Variants in LEF1 observed in about 807,000 individuals in gnomAD.
LEF1 encodes lymphoid enhancer binding factor 1, also known as lymphoid enhancer-binding factor 1.
In LEF1, 14 loss-of-function variants were observed where a neutral mutation model predicts 51.2. The observed-to-expected ratio is 0.27, with a 90% confidence interval of 0.18 to 0.43. The LOEUF is 0.43. Among genes scored for constraint, LEF1 ranks in the 20% least tolerant of loss-of-function variants. LEF1 has a pLI of 1.00. For missense variants in LEF1, 386 were observed against 512.0 expected, an observed-to-expected ratio of 0.75 and a Z score of 2.37; for synonymous variants, 185 against 183.2, an observed-to-expected ratio of 1.01 and a Z score of -0.08.
At position 108,143,536 on chromosome 4, in the gene LEF1, T is replaced by A. The variant is rs1578392833; in HGVS notation, c.414+20032A>T. 2.0e-5 allele frequency among the ~76,000 whole-genome samples: 3 copies of A among 152,334 alleles called. No homozygotes were observed. In the East Asian group the frequency reaches 5.8e-4, roughly 29 times the overall value. On this transcript the variant is annotated intron_variant, in intron 3 of 11. Coordinates refer to ENST00000265165, the MANE Select transcript of LEF1 (RefSeq NM_016269.5). ...TCAGATTATCAGGCAAAAAAACATT[T>A]CTTTTGTGATTCTATCATTAGCCTT...
At chr4:108,058,076 A>G (rs1268658850) in intron 11 of LEF1, among the ~76,000 whole-genome samples, 4 of 151,740 alleles carry the variant, frequency 2.6e-5, no homozygotes, top group African/African-American at 7.3e-5. Context: ...GGGTTTCACT[A>G]CGTTGGCCAG....
chr4:108,092,878 T>C (rs1740112946), intron 3 of LEF1, among the ~76,000 whole-genome samples: 5 of 125,946 alleles, frequency 4.0e-5, no homozygotes, highest in Non-Finnish European at 7.8e-5. Context: ...GGAAGTGGCG[T>C]CAGGCAGCAG....
Position 108,167,866 on chromosome 4 carries a change from G to A in LEF1, c.-99C>T, listed in dbSNP as rs1003814531. 6.4e-6 allele frequency: 7 copies of A among 1,088,490 alleles called. No homozygotes were observed. Among genetic ancestry groups the A allele is most frequent in the African/African-American group, 3.1e-5 (2 of 64,436 alleles). The allele number at this position is 1,088,490 out of a possible 1,614,324, so 67.4% of individuals were successfully genotyped here. The stretch of plus-strand genomic sequence containing the variant: ...AAGGGTGGGGGAGGAAAGGAGAGTT[G>A]GAAGGGTTCGTGCAGCAGGACAGCG... On this transcript the variant is annotated 5_prime_UTR_variant, in exon 1 of 12. Coordinates refer to ENST00000265165, the MANE Select transcript of LEF1 (RefSeq NM_016269.5). The surrounding 1 kb of genome is among the most constrained non-coding windows in gnomAD (Gnocchi z 5.7).
intron 4 of LEF1, among the ~76,000 whole-genome samples, chr4:108,088,745 T>A (rs79369035): frequency 6.6e-6 from 1 of 151,900 alleles, no homozygotes; most frequent in African/African-American, 2.4e-5. Flanking sequence ...TTCAAAAGAA[T>A]AAATCTCCTA....
rs190726666 is a variant in LEF1 at position 108,086,266 on chromosome 4, T to G, written c.548-2820A>C. 4.9e-3 allele frequency among the ~76,000 whole-genome samples: 746 copies of G among 152,308 alleles called. 3 individuals are homozygous for G. Among genetic ancestry groups the G allele is most frequent in the African/African-American group, 0.016 (681 of 41,556 alleles). On this transcript the variant is annotated intron_variant, in intron 4 of 11. Transcript: ENST00000265165. ...AGTTTATTTTTTATTTATTTAATTTTTTTAGAGCTGAGGGGGTCTCACTCT... is the reference window on the plus strand; with the variant it reads ...AGTTTATTTTTTATTTATTTAATTTGTTTAGAGCTGAGGGGGTCTCACTCT...
chr4:108,051,254 A>G (rs1418569983), intron 11 of LEF1, among the ~76,000 whole-genome samples: 2 of 151,954 alleles, frequency 1.3e-5, no homozygotes, highest in African/African-American at 2.4e-5. Context: ...TTCAGGGACT[A>G]GTGCTTAAAA....
At position 108,166,223 on chromosome 4, in the gene LEF1, A is replaced by C. The variant is rs111742123; in HGVS notation, c.214-1060T>G. The C allele has an allele frequency of 8.2e-3, 12,469 of 1,528,422 alleles. 830 individuals carry two copies. In the African/African-American group the frequency reaches 0.15, roughly 18 times the overall value. 94.7% of individuals were successfully genotyped at this position (1,528,422 alleles called of 1,614,324 possible). On this transcript the variant is annotated intron_variant, in intron 1 of 11. Coordinates refer to ENST00000265165, the MANE Select transcript of LEF1 (RefSeq NM_016269.5). ...CTGGATTCAACGGGTAAAGAACACCATTCTGTTCTCTGAACGCAGGCCCCC... is the reference window on the plus strand; with the variant it reads ...CTGGATTCAACGGGTAAAGAACACCCTTCTGTTCTCTGAACGCAGGCCCCC...
At chr4:108,079,756 G>A in intron 6 of LEF1, 142 bp from the exon 7 acceptor site, 1 of 702,742 alleles carries the variant, frequency 1.4e-6, no homozygotes, top group Non-Finnish European at 2.3e-6. Context: ...CTATAAATTA[G>A]AGTGGGCCGA....
At position 108,164,405 on chromosome 4, in the gene LEF1, CTTCAT is replaced by C. The variant is rs1343107879; in HGVS notation, c.280+687_280+691del. On this transcript the variant is annotated intron_variant, in intron 2 of 11. Coordinates refer to ENST00000265165, the MANE Select transcript of LEF1 (RefSeq NM_016269.5). ...GGTTGACATATTGTATGTAAAAACA[CTTCAT>C]TTCAGTTAGGCCAATTGTTAAGTAA... is the stretch of plus-strand genomic sequence containing the variant. Among the ~76,000 whole-genome samples the C allele has an allele frequency of 3.3e-5, 5 of 152,180 alleles. No homozygotes were observed. In the East Asian group the frequency reaches 9.7e-4, roughly 29 times the overall value.
intron 3 of LEF1, among the ~76,000 whole-genome samples, chr4:108,099,606 AT>A (rs1560789379): frequency 1.3e-4 from 16 of 124,744 alleles, no homozygotes; most frequent in African/African-American, 3.5e-4. Context: ...ATATATATAT[AT>A]ATATATATAT....
intron 8 of LEF1, among the ~76,000 whole-genome samples, chr4:108,077,237 C>A (rs1252861157): frequency 6.6e-6 from 1 of 152,118 alleles, no homozygotes; most frequent in Non-Finnish European, 1.5e-5. Context: ...AGTGAGGAGC[C>A]CCTCTGCCTG....
intron 3 of LEF1, among the ~76,000 whole-genome samples, chr4:108,141,572 G>A (rs1009143140): frequency 2.6e-5 from 4 of 152,168 alleles, no homozygotes; most frequent in Non-Finnish European, 5.9e-5. Flanking sequence ...CCTGAATAGA[G>A]ACCTCTGCCT....
intron 9 of LEF1, among the ~76,000 whole-genome samples, chr4:108,069,053 T>C (rs755407318): frequency 6.6e-6 from 1 of 152,152 alleles, no homozygotes; most frequent in Non-Finnish European, 1.5e-5. Flanking sequence ...GAGGTGATCA[T>C]AGCCTAAGCA....
Position 108,132,659 on chromosome 4 carries a change from C to CTTTTTTTTTTTTTTTTTTTTTTTTTT in LEF1, c.414+30883_414+30908dup, listed in dbSNP as rs749911957. On this transcript the variant is annotated intron_variant, in intron 3 of 11. Transcript: ENST00000265165. ...ATATGGGATGAGAGCGAAAATCTGC[C>CTTTTTTTTTTTTTTTTTTTTTTTTTT]TTTTTTTTTTTTTTTTTTTTTTTTT... 1.9e-4 allele frequency among the ~76,000 whole-genome samples: 9 copies of CTTTTTTTTTTTTTTTTTTTTTTTTTT among 47,444 alleles called. 2 individuals carry two copies. Among genetic ancestry groups the CTTTTTTTTTTTTTTTTTTTTTTTTTT allele is most frequent in the East Asian group, 1.6e-3 (2 of 1,266 alleles). The allele number at this position is 47,444 out of a possible 152,430, so 31.1% of individuals were successfully genotyped here. A position where few individuals can be genotyped will look rare whatever the true frequency, so the allele number is the denominator to read the frequency against.
intron 1 of LEF1, chr4:108,166,491 G>T: frequency 7.3e-7 from 1 of 1,369,524 alleles, no homozygotes; most frequent in Non-Finnish European, 9.4e-7. Flanking sequence ...CCTCCAGAGG[G>T]TTTCCCAGTT....
At chr4:108,123,323 C>T (rs566906744) in intron 3 of LEF1, among the ~76,000 whole-genome samples, 1 of 151,728 alleles carries the variant, frequency 6.6e-6, no homozygotes, top group South Asian at 2.1e-4. Context: ...AGTGACAGCA[C>T]TTGAGACAAG....
intron 3 of LEF1, among the ~76,000 whole-genome samples, chr4:108,108,963 A>G (rs964378592): frequency 2.0e-5 from 3 of 152,202 alleles, no homozygotes; most frequent in African/African-American, 2.4e-5. Context: ...CAGACCAAGG[A>G]TCAAATTCAA....
At chr4:108,165,689 G>T (rs756242972) in intron 1 of LEF1, among the ~76,000 whole-genome samples, 1 of 152,212 alleles carries the variant, frequency 6.6e-6, no homozygotes, top group Non-Finnish European at 1.5e-5. Context: ...AGCTCCACTC[G>T]AGCTTATAAC....
chr4:108,089,408 A>G (rs1423143187), intron 3 of LEF1, 151 bp from the exon 4 acceptor site: 1 of 755,936 alleles, frequency 1.3e-6, no homozygotes, highest in Admixed American at 3.3e-5. Flanking sequence ...TGTCTCTTTT[A>G]GAATTTTTCT....
Sources: allele counts gnomAD v4.1 joint callset (sites outside exome capture counted in the v4.1 genomes callset), GRCh38; gene constraint gnomAD v4.1.1; non-coding constraint Gnocchi (gnomAD v3.1); transcripts MANE v1.5; gene names NCBI Gene and HGNC (gene_info 2026-07-23, HGNC 2026-07-21).